Variants in TIAM2 observed in about 807,000 individuals in gnomAD.
The protein encoded by TIAM2 is rho guanine nucleotide exchange factor TIAM2.
A neutral mutation model predicts 152.9 loss-of-function variants in TIAM2; 80 were observed. That is an observed-to-expected ratio of 0.52 (90% confidence interval 0.44 to 0.63). TIAM2 has a LOEUF of 0.63. Ranked by LOEUF, TIAM2 falls within the 30% of genes least tolerant of loss-of-function variation. TIAM2 has a pLI of 0.00. For synonymous variants in TIAM2, 804 were observed against 838.0 expected (o/e 0.96, Z 0.70); for missense variants, 1,965 against 2,120.1 (o/e 0.93, Z 1.44).
intron 1 of TIAM2, among the ~76,000 whole-genome samples, chr6:155,072,856 C>T (rs1777870830): frequency 6.6e-6 from 1 of 152,048 alleles, no homozygotes; most frequent in Admixed American, 6.6e-5. Flanking sequence ...AATCACCTGT[C>T]GTCAGGGAGC....
At chr6:155,159,608 A>G (rs1403716537) in intron 7 of TIAM2, among the ~76,000 whole-genome samples, 1 of 152,142 alleles carries the variant, frequency 6.6e-6, no homozygotes, top group Admixed American at 6.6e-5. Context: ...GCCTTTCTAA[A>G]TACTATAAGG....
intron 3 of TIAM2, among the ~76,000 whole-genome samples, chr6:155,128,977 A>G (rs1779368113): frequency 6.6e-6 from 1 of 152,168 alleles, no homozygotes; most frequent in Admixed American, 6.5e-5. Context: ...AATATTGTAT[A>G]ATGAATAATG....
chr6:155,204,221 G>T (rs1320526608), intron 14 of TIAM2, among the ~76,000 whole-genome samples: 1 of 152,112 alleles, frequency 6.6e-6, no homozygotes, highest in African/African-American at 2.4e-5. Context: ...TAGGTACTTG[G>T]AATTTTCTGG....
chr6:155,245,562 C>T, intron 18 of TIAM2, 61 bp from the exon 19 acceptor site: 1 of 1,392,888 alleles, frequency 7.2e-7, no homozygotes. Context: ...CGTCAAATGC[C>T]ATAAGCCAGC....
intron 1 of TIAM2, among the ~76,000 whole-genome samples, chr6:155,053,626 A>G (rs1429071609): frequency 2.6e-5 from 4 of 151,942 alleles, no homozygotes; most frequent in Non-Finnish European, 5.9e-5. Flanking sequence ...ATGTGCCACC[A>G]TGCCCAGCTA....
intron 24 of TIAM2, chr6:155,253,268 C>T: frequency 1.9e-6 from 1 of 517,892 alleles, no homozygotes; most frequent in Non-Finnish European, 3.4e-6. Flanking sequence ...AAATGCCTTT[C>T]ATTGTTTCCT....
At chr6:155,045,872 T>A (rs9397221) in intron 1 of TIAM2, among the ~76,000 whole-genome samples, 1 of 114,630 alleles carries the variant, frequency 8.7e-6, no homozygotes, top group Admixed American at 9.4e-5. Context: ...GGTTTTTGTT[T>A]GTTTGTTTTA....
At chr6:155,249,777 C>A in intron 20 of TIAM2, 74 bp from the exon 21 acceptor site, 1 of 1,268,054 alleles carries the variant, frequency 7.9e-7, no homozygotes, top group Non-Finnish European at 1.1e-6. Context: ...ATCTTGACTC[C>A]ATTCATTATT....
intron 1 of TIAM2, among the ~76,000 whole-genome samples, chr6:155,014,568 T>G (rs924167045): frequency 2.0e-5 from 3 of 152,208 alleles, no homozygotes; most frequent in African/African-American, 7.2e-5. Flanking sequence ...TTGCTGTTTG[T>G]ATCAATATAG....
At chr6:155,230,939 T>G (rs1782447730) in intron 15 of TIAM2, among the ~76,000 whole-genome samples, 1 of 151,836 alleles carries the variant, frequency 6.6e-6, no homozygotes, top group Non-Finnish European at 1.5e-5. Flanking sequence ...GTTCAAGCAG[T>G]CCTCCCAACT....
intron 1 of TIAM2, among the ~76,000 whole-genome samples, chr6:155,082,370 G>A (rs1778081073): frequency 1.3e-5 from 2 of 152,018 alleles, no homozygotes; most frequent in South Asian, 2.1e-4. Flanking sequence ...AATAAAATAG[G>A]CCAGGCACTG....
intron 15 of TIAM2, among the ~76,000 whole-genome samples, chr6:155,224,503 C>A (rs1391130418): frequency 6.6e-6 from 1 of 152,202 alleles, no homozygotes; most frequent in Non-Finnish European, 1.5e-5. Flanking sequence ...TTTTGTAAAT[C>A]CGTCTCCTGC....
At chr6:155,022,773 A>G (rs1400889650) in intron 1 of TIAM2, among the ~76,000 whole-genome samples, 1 of 152,224 alleles carries the variant, frequency 6.6e-6, no homozygotes, top group African/African-American at 2.4e-5. Flanking sequence ...CCCTTGAGTT[A>G]TGAGAAGTTA....
intron 1 of TIAM2, among the ~76,000 whole-genome samples, chr6:155,022,751 T>C (rs1257630290): frequency 6.6e-6 from 1 of 152,228 alleles, no homozygotes; most frequent in Non-Finnish European, 1.5e-5. Flanking sequence ...GCAATGCTTA[T>C]TGTTGACAAG....
intron 1 of TIAM2, among the ~76,000 whole-genome samples, chr6:155,061,536 G>T (rs1213284389): frequency 6.6e-6 from 1 of 152,156 alleles, no homozygotes; most frequent in Non-Finnish European, 1.5e-5. Flanking sequence ...TTATAAATGT[G>T]CTCATCCCTA....
chr6:155,172,684 ATATTTTTTTTTTT>A (rs1286481739), intron 9 of TIAM2, among the ~76,000 whole-genome samples: 2 of 13,726 alleles, frequency 1.5e-4, no homozygotes, highest in African/African-American at 5.9e-4. Context: ...ATATATATAT[ATATTTTTTTTTTT>A]TTTTTTTTTT....
At position 155,110,981 on chromosome 6, in the gene TIAM2, C is replaced by T. The variant is rs887749090; in HGVS notation, c.-117-16509C>T. Among the ~76,000 whole-genome samples the T allele has an allele frequency of 2.6e-5, 4 of 152,046 alleles. No individual in the cohort carries two copies. The East Asian group carries it at 5.8e-4, about 22-fold the overall frequency. On this transcript the variant is annotated intron_variant, in intron 2 of 26. Coordinates refer to ENST00000682666, the MANE Select transcript of TIAM2 (RefSeq NM_012454.4). ...CTTGACCCTGACCCATCTCTATAGT[C>T]GCAGAATTGCTAGAGTCGGATTTCT...
At chr6:155,021,422 C>T (rs1045270832) in intron 1 of TIAM2, among the ~76,000 whole-genome samples, 4 of 152,020 alleles carry the variant, frequency 2.6e-5, no homozygotes, top group East Asian at 1.9e-4. Flanking sequence ...CCACCGTGCC[C>T]GGCTAGTTTT....
At chr6:155,031,968 A>T (rs1446340410) in intron 1 of TIAM2, among the ~76,000 whole-genome samples, 1 of 152,182 alleles carries the variant, frequency 6.6e-6, no homozygotes, top group African/African-American at 2.4e-5. Flanking sequence ...GAAGATGTAT[A>T]TCAACTGCGA....
Sources: gnomAD v4.1 joint callset for allele counts (sites outside exome capture counted in the v4.1 genomes callset) on GRCh38, gnomAD v4.1.1 for gene constraint, MANE v1.5 for transcripts, NCBI Gene and HGNC (gene_info 2026-07-23, HGNC 2026-07-21) for gene names.